The following STPG2 variants were observed in gnomAD, a reference collection of about 807,000 sequenced individuals.
STPG2 encodes sperm-tail PG-rich repeat-containing protein 2.
Under a neutral mutation model 54.2 loss-of-function variants are expected in STPG2, and 56 were observed. That is an observed-to-expected ratio of 1.03 (90% CI 0.83 to 1.29). STPG2 has a LOEUF of 1.29. STPG2 is among the 50% of genes most tolerant of loss of function. The pLI, the probability that STPG2 is intolerant of heterozygous loss-of-function variation, is 0.00. For missense variants in STPG2, 596 were observed against 544.9 expected, an observed-to-expected ratio of 1.09 and a Z score of -0.93; for synonymous variants, 200 against 181.8, an observed-to-expected ratio of 1.10 and a Z score of -0.81.
intron 10 of STPG2, among the ~76,000 whole-genome samples, chr4:97,682,636 A>C (rs1723069425): frequency 6.6e-6 from 1 of 151,812 alleles, no homozygotes; most frequent in Non-Finnish European, 1.5e-5. Flanking sequence ...TATCCTTAGT[A>C]CTTATGTATA....
At chr4:97,564,760 C>T (rs1478168718) in intron 10 of STPG2, among the ~76,000 whole-genome samples, 2 of 152,134 alleles carry the variant, frequency 1.3e-5, no homozygotes, top group South Asian at 2.1e-4. Flanking sequence ...TGAATAGTGG[C>T]CCTCACTCTC....
chr4:97,949,363 C>T (rs1006493823), intron 7 of STPG2, among the ~76,000 whole-genome samples: 7 of 152,028 alleles, frequency 4.6e-5, no homozygotes, highest in Non-Finnish European at 1.0e-4. Flanking sequence ...TGTGATTTTT[C>T]TTATCTAATC....
At chr4:97,799,639 G>A (rs1727315479) in intron 9 of STPG2, among the ~76,000 whole-genome samples, 1 of 152,058 alleles carries the variant, frequency 6.6e-6, no homozygotes, top group African/African-American at 2.4e-5. Context: ...TTCAACTTTG[G>A]TGAAACTGAC....
At chr4:97,801,259 G>A (rs568909115) in intron 9 of STPG2, among the ~76,000 whole-genome samples, 9 of 152,244 alleles carry the variant, frequency 5.9e-5, no homozygotes, top group South Asian at 2.1e-4. Flanking sequence ...GTAATCACCC[G>A]TCTTCTGCGT....
At chr4:97,779,975 A>T (rs1726548631) in intron 9 of STPG2, among the ~76,000 whole-genome samples, 2 of 151,450 alleles carry the variant, frequency 1.3e-5, no homozygotes, top group African/African-American at 2.4e-5. Context: ...CACTGCAAAA[A>T]CATGCCGAAC....
chr4:97,904,268 GCCT>G (rs1313434919), intron 8 of STPG2, among the ~76,000 whole-genome samples: 28 of 152,232 alleles, frequency 1.8e-4, no homozygotes, highest in Non-Finnish European at 1.3e-4. Context: ...CAGGCAGACT[GCCT>G]CCTCAAGTGG....
intron 8 of STPG2, among the ~76,000 whole-genome samples, chr4:97,879,458 G>C (rs564361645): frequency 3.0e-4 from 45 of 152,124 alleles, no homozygotes; most frequent in East Asian, 1.4e-3. Context: ...AAGGCAAAAG[G>C]CATGTCTTAC....
At chr4:97,963,918 T>C (rs1733994728) in intron 7 of STPG2, among the ~76,000 whole-genome samples, 1 of 152,096 alleles carries the variant, frequency 6.6e-6, no homozygotes, top group Non-Finnish European at 1.5e-5. Context: ...TTCTTAAATT[T>C]AATGAAAAAT....
At chr4:98,018,676 C>A (rs1389106635) in intron 5 of STPG2, among the ~76,000 whole-genome samples, 3 of 150,930 alleles carry the variant, frequency 2.0e-5, no homozygotes, top group African/African-American at 7.3e-5. Context: ...CTCTCCAGCA[C>A]CTATTGTTTC....
intron 9 of STPG2, among the ~76,000 whole-genome samples, chr4:97,823,684 A>G (rs573971232): frequency 6.6e-6 from 1 of 152,150 alleles, no homozygotes; most frequent in Non-Finnish European, 1.5e-5. Flanking sequence ...CTTTCTGGCG[A>G]ACCACAGAAG....
chr4:97,934,769 T>C (rs1732687253), intron 8 of STPG2, among the ~76,000 whole-genome samples: 1 of 152,190 alleles, frequency 6.6e-6, no homozygotes, highest in Admixed American at 6.5e-5. Context: ...AATATTTTAT[T>C]GAGGATTTTT....
chr4:97,789,570 G>A (rs1726929459), intron 9 of STPG2, among the ~76,000 whole-genome samples: 1 of 152,048 alleles, frequency 6.6e-6, no homozygotes, highest in Admixed American at 6.6e-5. Context: ...TAAACTGTAA[G>A]TGCCATACAC....
intron 5 of STPG2, among the ~76,000 whole-genome samples, chr4:98,045,704 A>G (rs1737103627): frequency 6.6e-6 from 1 of 150,666 alleles, no homozygotes; most frequent in Non-Finnish European, 1.5e-5. Flanking sequence ...GCTAAAAAAT[A>G]TTTATTTATT....
intron 10 of STPG2, among the ~76,000 whole-genome samples, chr4:97,560,806 AT>A (rs1732210465): frequency 6.6e-6 from 1 of 152,176 alleles, no homozygotes; most frequent in African/African-American, 2.4e-5. Context: ...GACAACATGA[AT>A]GAGTAAAATT....
chr4:98,029,513 C>T (rs1284782560), intron 5 of STPG2, among the ~76,000 whole-genome samples: 1 of 152,034 alleles, frequency 6.6e-6, no homozygotes, highest in Non-Finnish European at 1.5e-5. Flanking sequence ...TTTATTGATG[C>T]TTGCACAATA....
chr4:97,815,864 G>A (rs950627902), intron 9 of STPG2, among the ~76,000 whole-genome samples: 3 of 152,096 alleles, frequency 2.0e-5, no homozygotes, highest in Admixed American at 2.0e-4. Context: ...CTGGTTCACA[G>A]GATTCCCAAA....
Position 97,945,711 on chromosome 4 carries a change from C to T in STPG2, c.934-1704G>A, listed in dbSNP as rs188056496. On this transcript the variant is annotated intron_variant, in intron 7 of 10. Coordinates refer to ENST00000295268, the MANE Select transcript of STPG2 (RefSeq NM_174952.3). Reference sequence around the variant, plus strand: ...AAGCATTCTCTTTTCAAGACCCCAACATCTATTGTTTTTTTGGGTTTGTTT... The same window carrying T: ...AAGCATTCTCTTTTCAAGACCCCAATATCTATTGTTTTTTTGGGTTTGTTT... Among the ~76,000 whole-genome samples the T allele has an allele frequency of 2.8e-4, 42 of 150,796 alleles. 1 individual carries two copies. The highest frequency in any genetic ancestry group is 2.0e-3 in the Admixed American group (30 of 14,980).
intron 9 of STPG2, among the ~76,000 whole-genome samples, chr4:97,816,131 T>C (rs1309760575): frequency 6.6e-6 from 1 of 152,170 alleles, no homozygotes; most frequent in East Asian, 1.9e-4. Flanking sequence ...ACATGCAGTG[T>C]TTGGTTTTCA....
chr4:97,653,354 A>G (rs1368700458), intron 10 of STPG2, among the ~76,000 whole-genome samples: 1 of 151,886 alleles, frequency 6.6e-6, no homozygotes, highest in African/African-American at 2.4e-5. Context: ...CATCTCAATG[A>G]ACAGTAGTGG....
Sources: gnomAD v4.1 joint callset for allele counts (sites outside exome capture counted in the v4.1 genomes callset) on GRCh38, gnomAD v4.1.1 for gene constraint, MANE v1.5 for transcripts, NCBI Gene and HGNC (gene_info 2026-07-23, HGNC 2026-07-21) for gene names.